Variants in DCDC2 observed in about 807,000 individuals in gnomAD.
DCDC2 encodes the protein doublecortin domain containing 2.
Under a neutral mutation model 50.2 loss-of-function variants are expected in DCDC2, and 40 were observed. That is an observed-to-expected ratio of 0.80 (90% CI 0.62 to 1.04). The LOEUF is 1.04. Ranked by LOEUF, DCDC2 falls within the 50% of genes least tolerant of loss-of-function variation. The pLI is 0.00. For synonymous variants in DCDC2, 234 were observed against 210.6 expected, an observed-to-expected ratio of 1.11 and a Z score of -0.96; for missense variants, 570 against 581.9, an observed-to-expected ratio of 0.98 and a Z score of 0.21.
chr6:24,298,224 A>C (rs1401078652), intron 4 of DCDC2, among the ~76,000 whole-genome samples: 1 of 152,214 alleles, frequency 6.6e-6, no homozygotes, highest in African/African-American at 2.4e-5. Context: ...CTGATCTGAC[A>C]GGGGGTGGAG....
Position 24,173,296 on chromosome 6 carries a change from GTAT to G in DCDC2, c.*1431_*1433del. ...AGAAAAAACACATCTATTTTCTATAGTATTATTAAGTGCTTTATATAACTGCCA... is the reference window on the plus strand; with the variant it reads ...AGAAAAAACACATCTATTTTCTATAGTATTAAGTGCTTTATATAACTGCCA... On this transcript the variant is annotated 3_prime_UTR_variant, in exon 10 of 10. Coordinates refer to ENST00000378454, the MANE Select transcript of DCDC2 (RefSeq NM_016356.5). 1 of 151,918 alleles carries G rather than the reference GTAT, an allele frequency of 6.6e-6. No individual in the cohort carries two copies. The highest frequency in any genetic ancestry group is 1.5e-5 in the Non-Finnish European group (1 of 67,972). The allele number at this position is 151,918 out of a possible 1,614,324, so 9.4% of individuals were successfully genotyped here.
intron 2 of DCDC2, among the ~76,000 whole-genome samples, chr6:24,303,377 G>A (rs1399111200): frequency 2.6e-5 from 4 of 152,140 alleles, no homozygotes; most frequent in African/African-American, 9.6e-5. Context: ...GTCACGCACT[G>A]TAGTTGAACC....
At chr6:24,246,489 T>TTC (rs1166988012) in intron 7 of DCDC2, among the ~76,000 whole-genome samples, 3 of 127,238 alleles carry the variant, frequency 2.4e-5, no homozygotes, top group Non-Finnish European at 5.0e-5. Flanking sequence ...CTTTTTTTTT[T>TTC]TTTTTTTTTT....
At chr6:24,269,870 C>A (rs187175136) in intron 7 of DCDC2, among the ~76,000 whole-genome samples, 60 of 151,812 alleles carry the variant, frequency 4.0e-4, no homozygotes, top group African/African-American at 1.3e-3. Flanking sequence ...ATAGAGAAGA[C>A]CCATTATTAC....
the DCDC2 span, among the ~76,000 whole-genome samples, chr6:24,377,978 A>G: frequency 1.3e-5 from 2 of 152,222 alleles, no homozygotes; most frequent in African/African-American, 2.4e-5. Flanking sequence ...AAAAAGAGCA[A>G]AATTCCATCT....
At chr6:24,197,555 A>G (rs368321340) in intron 8 of DCDC2, among the ~76,000 whole-genome samples, 15 of 152,238 alleles carry the variant, frequency 9.9e-5, no homozygotes, top group African/African-American at 3.4e-4. Context: ...AAAAATACCT[A>G]TAACTGGAGT....
chr6:24,344,976 G>C (rs574445822), intron 2 of DCDC2, among the ~76,000 whole-genome samples: 1 of 152,318 alleles, frequency 6.6e-6, no homozygotes, highest in Non-Finnish European at 1.5e-5. Context: ...ATTTGCAAAA[G>C]TGTGTTTTAT....
At chr6:24,320,710 TTGTA>T (rs1480628874) in intron 2 of DCDC2, among the ~76,000 whole-genome samples, 5 of 152,084 alleles carry the variant, frequency 3.3e-5, no homozygotes, top group Non-Finnish European at 7.4e-5. Flanking sequence ...ATAACTAGAT[TTGTA>T]TGTATGTATA....
chr6:24,250,290 G>A (rs2113798282), intron 7 of DCDC2, among the ~76,000 whole-genome samples: 1 of 152,278 alleles, frequency 6.6e-6, no homozygotes, highest in Middle Eastern at 3.4e-3. Flanking sequence ...AGGTTGCAGG[G>A]CCAAAGGAGA....
chr6:24,251,109 T>A (rs1019137243), intron 7 of DCDC2, among the ~76,000 whole-genome samples: 3 of 152,168 alleles, frequency 2.0e-5, no homozygotes, highest in African/African-American at 7.2e-5. Flanking sequence ...GAAGCTTAGA[T>A]GTGAAGTCGC....
At chr6:24,260,245 A>G (rs1453807086) in intron 7 of DCDC2, among the ~76,000 whole-genome samples, 1 of 152,166 alleles carries the variant, frequency 6.6e-6, no homozygotes, top group Non-Finnish European at 1.5e-5. Context: ...GCTAACTAGG[A>G]AAGCATGAAT....
chr6:24,322,887 G>C (rs1759797452), intron 2 of DCDC2, among the ~76,000 whole-genome samples: 1 of 152,192 alleles, frequency 6.6e-6, no homozygotes. Flanking sequence ...AAGATCTCCT[G>C]AGGGCTGTGT....
chr6:24,347,732 T>C (rs1236747581), intron 2 of DCDC2, among the ~76,000 whole-genome samples: 1 of 152,182 alleles, frequency 6.6e-6, no homozygotes, highest in Non-Finnish European at 1.5e-5. Context: ...TGAATAGCAT[T>C]CATTCAATAT....
In DCDC2 at chr6:24,178,452, C is replaced by G. The variant is rs758852015; in HGVS notation, c.1204G>C (p.Ala402Pro). 2 of 1,614,076 alleles carry G rather than the reference C, an allele frequency of 1.2e-6. No homozygotes were observed. Among genetic ancestry groups the G allele is most frequent in the Non-Finnish European group, 8.5e-7 (1 of 1,180,042 alleles). Residue 402 changes from alanine to proline, a missense_variant, in exon 9 of 10, where the codon GCT becomes CCT. Transcript: ENST00000378454. ...TCATCGGTGCCTCCATTTACACGAG[C>G]AGGGCGTGCCTGCTGCTCACTGTGA... ...LDHSEQQARP[A>P]RVNGGTDEEN... is the part of the protein sequence containing the mutation.
chr6:24,330,310 A>G (rs186921164), intron 2 of DCDC2, among the ~76,000 whole-genome samples: 64 of 152,260 alleles, frequency 4.2e-4, no homozygotes, highest in African/African-American at 1.5e-3. Context: ...GGCTGAATGT[A>G]ACTTCTACAC....
chr6:24,328,472 A>T (rs996730240), intron 2 of DCDC2, among the ~76,000 whole-genome samples: 5 of 152,188 alleles, frequency 3.3e-5, no homozygotes, highest in African/African-American at 1.2e-4. Flanking sequence ...TGAATGTCCC[A>T]AGAGTTGAGA....
intron 7 of DCDC2, among the ~76,000 whole-genome samples, chr6:24,208,444 C>T (rs1163572372): frequency 2.7e-5 from 4 of 148,254 alleles, no homozygotes; most frequent in Non-Finnish European, 4.4e-5. Context: ...AATCTCCGCT[C>T]ACCGCAAGCT....
intron 7 of DCDC2, among the ~76,000 whole-genome samples, chr6:24,233,920 T>A (rs1202201653): frequency 6.6e-6 from 1 of 152,186 alleles, no homozygotes; most frequent in Non-Finnish European, 1.5e-5. Flanking sequence ...TCAACAAACA[T>A]TTACTGAGTA....
At chr6:24,216,145 A>C (rs1260506853) in intron 7 of DCDC2, among the ~76,000 whole-genome samples, 1 of 152,202 alleles carries the variant, frequency 6.6e-6, no homozygotes, top group East Asian at 1.9e-4. Context: ...GTTAATTAGA[A>C]TAAAGTTCCA....
Sources: allele counts gnomAD v4.1 joint callset (sites outside exome capture counted in the v4.1 genomes callset), GRCh38; gene constraint gnomAD v4.1.1; transcripts MANE v1.5; gene names NCBI Gene and HGNC (gene_info 2026-07-23, HGNC 2026-07-21).